NDUFAF7: variants seen among roughly 807,000 people sequenced by gnomAD.
NDUFAF7 encodes protein arginine methyltransferase NDUFAF7, mitochondrial.
In NDUFAF7, 48 loss-of-function variants were observed where a neutral mutation model predicts 47.2. The ratio of observed to expected loss-of-function variants is 1.02; its 90% CI spans 0.81 to 1.29. NDUFAF7 has a LOEUF of 1.29. NDUFAF7 is among the 50% of genes most tolerant of loss of function. The pLI is 0.00. For synonymous variants in NDUFAF7, 217 were observed against 190.0 expected (o/e 1.14, Z -1.17); for missense variants, 635 against 537.6 (o/e 1.18, Z -1.79).
chr2:37,235,716 G>C (rs1483827021), intron 2 of NDUFAF7, among the ~76,000 whole-genome samples: 1 of 151,766 alleles, frequency 6.6e-6, no homozygotes, highest in Non-Finnish European at 1.5e-5. Context: ...GTGCAGTGGC[G>C]CGATCTCGGC....
At chr2:37,242,504 C>T in intron 5 of NDUFAF7, 131 bp from the exon 6 acceptor site, 1 of 695,082 alleles carries the variant, frequency 1.4e-6, no homozygotes, top group Non-Finnish European at 2.5e-6. Flanking sequence ...GTAAGTTTTC[C>T]ATGAAGAGGT....
At position 37,232,140 on chromosome 2, in the gene NDUFAF7, C is replaced by T. The variant is rs1380850533; in HGVS notation, c.90C>T (p.Ser30=). 1.2e-6 allele frequency: 2 copies of T among 1,614,238 alleles called. No individual in the cohort carries two copies. Among genetic ancestry groups the T allele is most frequent in the South Asian group, 1.1e-5 (1 of 91,086 alleles). Residue 30 remains serine, a synonymous_variant, in exon 2 of 10, where the codon AGC becomes AGT. Transcript: ENST00000002125. ...TTATTTGGAGAGGGAAATACTTCAG[C>T]TCCGGGAATGAGCCTGCAGAAAACC... ...IPFIWRGKYF[S]SGNEPAENPV... is the part of the protein sequence containing the mutation.
chr2:37,262,823 T>C, the NDUFAF7 span, among the ~76,000 whole-genome samples: 1 of 152,220 alleles, frequency 6.6e-6, no homozygotes, highest in African/African-American at 2.4e-5. Flanking sequence ...TATACTTTCA[T>C]TGAGAATTAC....
chr2:37,256,360 C>G (rs558412392), downstream of NDUFAF7, among the ~76,000 whole-genome samples: 2 of 152,192 alleles, frequency 1.3e-5, no homozygotes, highest in South Asian at 2.1e-4. Flanking sequence ...GCAGTAGTGA[C>G]TAGGAAGGAC....
At chr2:37,253,231 G>A (rs529096887), downstream of NDUFAF7, 1 of 1,612,370 alleles carries the variant, frequency 6.2e-7, no homozygotes, top group Admixed American at 1.7e-5. Flanking sequence ...AGTGCTTTGG[G>A]TATACAAGGT....
chr2:37,253,696 A>T (rs1471524874), downstream of NDUFAF7, among the ~76,000 whole-genome samples: 1 of 152,162 alleles, frequency 6.6e-6, no homozygotes, highest in East Asian at 1.9e-4. Flanking sequence ...AAGTGCTTGG[A>T]TGCTTATTAG....
downstream of NDUFAF7, chr2:37,250,528 T>TTTTTTTA (rs1667403016): frequency 6.6e-6 from 1 of 152,092 alleles, no homozygotes; most frequent in Admixed American, 6.5e-5. Flanking sequence ...AAAATGAGCT[T>TTTTTTTA]TTTTTTATTT....
rs1018797410 is a variant in NDUFAF7 at position 37,232,044 on chromosome 2, C to T, written c.56-62C>T. 3.7e-6 allele frequency: 6 copies of T among 1,612,606 alleles called. No homozygotes were observed. The African/African-American group carries it at 8.0e-5, about 22-fold the overall frequency. On this transcript the variant is annotated intron_variant, in intron 1 of 9. Transcript: ENST00000002125. ...CGAAGCTGTTTTGAAAACGCTCAGG[C>T]GGCTTGCGCTCGTGAATGGTCAGAT...
intron 4 of NDUFAF7, 66 bp downstream of exon 4, chr2:37,237,933 C>G: frequency 9.0e-7 from 1 of 1,113,632 alleles, no homozygotes; most frequent in Non-Finnish European, 1.4e-6. Context: ...AGTGTGCAAA[C>G]CATGTTGATT....
chr2:37,239,278 C>T (rs1374814357), intron 4 of NDUFAF7, among the ~76,000 whole-genome samples: 1 of 151,914 alleles, frequency 6.6e-6, no homozygotes, highest in African/African-American at 2.4e-5. Context: ...ATCACTACAC[C>T]CGGCTAATTT....
At chr2:37,243,596 C>T (rs1489598324) in intron 6 of NDUFAF7, among the ~76,000 whole-genome samples, 1 of 152,216 alleles carries the variant, frequency 6.6e-6, no homozygotes, top group Non-Finnish European at 1.5e-5. Flanking sequence ...TCTGGCTGTT[C>T]TTCCTGAGTC....
At chr2:37,253,203 G>C, downstream of NDUFAF7, 2 of 1,609,354 alleles carry the variant, frequency 1.2e-6, no homozygotes, top group Non-Finnish European at 1.7e-6. Context: ...ATATCATCTG[G>C]ATTAGGAGCC....
the NDUFAF7 span, among the ~76,000 whole-genome samples, chr2:37,265,404 T>C: frequency 6.6e-6 from 1 of 152,184 alleles, no homozygotes; most frequent in African/African-American, 2.4e-5. Flanking sequence ...TGAATTCAGA[T>C]TGTACTAATA....
intron 6 of NDUFAF7, among the ~76,000 whole-genome samples, 186 bp from the exon 7 acceptor site, chr2:37,243,677 C>G (rs909983658): frequency 2.6e-5 from 4 of 152,092 alleles, no homozygotes; most frequent in African/African-American, 9.7e-5. Flanking sequence ...GTTATTGTTT[C>G]TTTTGCATCG....
chr2:37,232,050 GC>G lies in NDUFAF7; in HGVS notation c.56-55del, dbSNP rs1297817053. The G allele has an allele frequency of 1.9e-6, 3 of 1,613,534 alleles. No individual in the cohort carries two copies. The African/African-American group carries it at 4.0e-5, about 22-fold the overall frequency. On this transcript the variant is annotated intron_variant, in intron 1 of 9. Transcript: ENST00000002125. ...TGTTTTGAAAACGCTCAGGCGGCTT[GC>G]GCTCGTGAATGGTCAGATTTATCAT...
the NDUFAF7 span, chr2:37,267,324 C>G: frequency 1.4e-6 from 1 of 726,276 alleles, no homozygotes; most frequent in South Asian, 2.0e-5. Context: ...GCCTATATTA[C>G]CATAATCTAA....
chr2:37,231,885 C>T (rs571498524), intron 1 of NDUFAF7, 125 bp downstream of exon 1: 1 of 1,581,138 alleles, frequency 6.3e-7, no homozygotes, highest in East Asian at 2.3e-5. Context: ...TGAAGGTACC[C>T]TGGGCTGGAA....
chr2:37,269,394 T>A, the NDUFAF7 span: 1 of 543,246 alleles, frequency 1.8e-6, no homozygotes, highest in South Asian at 2.1e-5. Context: ...TAAAACACAC[T>A]GTAAAATTTT....
intron 3 of NDUFAF7, among the ~76,000 whole-genome samples, chr2:37,236,470 G>C (rs1408417277): frequency 6.6e-6 from 1 of 151,898 alleles, no homozygotes; most frequent in African/African-American, 2.4e-5. Context: ...AGGAGAATCA[G>C]ATGAAGGAAG....
Sources: gnomAD v4.1 joint callset for allele counts (sites outside exome capture counted in the v4.1 genomes callset) on GRCh38, gnomAD v4.1.1 for gene constraint, MANE v1.5 for transcripts, NCBI Gene and HGNC (gene_info 2026-07-23, HGNC 2026-07-21) for gene names.